Variants in EPHA5 observed in about 807,000 individuals in gnomAD.
The protein encoded by EPHA5 is EPH receptor A5.
Under a neutral mutation model 105.0 loss-of-function variants are expected in EPHA5, and 60 were observed. That is an observed-to-expected ratio of 0.57 (90% confidence interval 0.46 to 0.71). The LOEUF (loss-of-function observed/expected upper bound fraction) is 0.71, where lower values mean the gene tolerates loss of function less well. Among genes scored for constraint, EPHA5 ranks in the 30% least tolerant of loss-of-function variants. EPHA5 has a pLI of 0.00. For missense variants in EPHA5, 1,218 were observed against 1,274.7 expected, an observed-to-expected ratio of 0.96 and a Z score of 0.68; for synonymous variants, 513 against 449.1, an observed-to-expected ratio of 1.14 and a Z score of -1.80.
intron 8 of EPHA5, among the ~76,000 whole-genome samples, chr4:65,374,471 G>A (rs1161881980): frequency 6.6e-6 from 1 of 151,868 alleles, no homozygotes; most frequent in African/African-American, 2.4e-5. Flanking sequence ...GATGGATGTG[G>A]TTTCCTGGTG....
At position 65,572,134 on chromosome 4, in the gene EPHA5, G is replaced by A. The variant is rs1437666981; in HGVS notation, c.910+29507C>T. On this transcript the variant is annotated intron_variant, in intron 3 of 16. Coordinates refer to ENST00000613740, the MANE Select transcript of EPHA5 (RefSeq NM_001281766.3). ...AACTGAAAATATCTTCAGAAATAAC[G>A]TGGCATAATGAAGATTTTGGTGAAT... is the stretch of plus-strand genomic sequence containing the variant. 3.3e-5 allele frequency among the ~76,000 whole-genome samples: 5 copies of A among 151,692 alleles called. No individual in the cohort carries two copies. The South Asian group carries it at 6.2e-4, about 19-fold the overall frequency.
At chr4:65,360,638 T>C (rs1717204059) in intron 11 of EPHA5, among the ~76,000 whole-genome samples, 1 of 151,634 alleles carries the variant, frequency 6.6e-6, no homozygotes, top group South Asian at 2.1e-4. Flanking sequence ...CTTAATGCAA[T>C]GTTAATAATT....
chr4:65,553,100 A>G (rs1003454706), intron 3 of EPHA5, among the ~76,000 whole-genome samples: 3 of 152,116 alleles, frequency 2.0e-5, no homozygotes, highest in African/African-American at 7.2e-5. Flanking sequence ...ACATATTAAT[A>G]AAATTAATAC....
Position 65,610,915 on chromosome 4 carries a change from T to C in EPHA5, c.247-8611A>G, listed in dbSNP as rs115193147. Among the ~76,000 whole-genome samples the C allele has an allele frequency of 3.4e-3, 511 of 152,280 alleles. 5 individuals carry two copies. Among genetic ancestry groups the C allele is most frequent in the African/African-American group, 0.012 (486 of 41,566 alleles). Reference sequence around the variant, plus strand: ...GTGATGGTAGCCTCCCACTATGTATTTTTCATCATGCTATGCCAAGAGATG... The same window carrying C: ...GTGATGGTAGCCTCCCACTATGTATCTTTCATCATGCTATGCCAAGAGATG... On this transcript the variant is annotated intron_variant, in intron 2 of 16. Transcript: ENST00000613740.
intron 5 of EPHA5, among the ~76,000 whole-genome samples, chr4:65,446,081 A>G (rs1378343757): frequency 1.3e-5 from 2 of 152,178 alleles, no homozygotes; most frequent in Admixed American, 6.5e-5. Context: ...TGTAAAACAA[A>G]AGTTAGATCA....
intron 3 of EPHA5, among the ~76,000 whole-genome samples, chr4:65,508,842 TTG>T (rs949215461): frequency 3.9e-4 from 59 of 152,150 alleles, no homozygotes; most frequent in African/African-American, 1.2e-3. Flanking sequence ...CTATCCCTGA[TTG>T]TGAGAAAGTC....
At chr4:65,401,545 G>C (rs1344887743) in intron 8 of EPHA5, among the ~76,000 whole-genome samples, 1 of 152,050 alleles carries the variant, frequency 6.6e-6, no homozygotes, top group Non-Finnish European at 1.5e-5. Flanking sequence ...CAAAAAGTTG[G>C]TTTCTAAAAA....
chr4:65,414,479 G>T (rs200388884), intron 6 of EPHA5, 36 bp from the exon 7 acceptor site: 30 of 1,598,562 alleles, frequency 1.9e-5, no homozygotes, highest in Middle Eastern at 1.7e-4. Context: ...AAAAAAGACA[G>T]CATATAAATT....
chr4:65,658,631 T>C (rs1356514509), intron 1 of EPHA5, among the ~76,000 whole-genome samples: 2 of 152,106 alleles, frequency 1.3e-5, no homozygotes, highest in Non-Finnish European at 2.9e-5. Context: ...TAATTCAATC[T>C]TTTCAATTCT....
At chr4:65,362,041 G>T (rs1235682955) in intron 11 of EPHA5, among the ~76,000 whole-genome samples, 1 of 151,594 alleles carries the variant, frequency 6.6e-6, no homozygotes, top group East Asian at 1.9e-4. Context: ...TTTCAAATGA[G>T]TCAATTAAGC....
At chr4:65,329,785 C>A (rs1210143775) in intron 16 of EPHA5, among the ~76,000 whole-genome samples, 1 of 148,842 alleles carries the variant, frequency 6.7e-6, no homozygotes, top group African/African-American at 2.5e-5. Flanking sequence ...GTCTCCTTTG[C>A]CATTAGTCCT....
At chr4:65,441,555 G>A (rs572950895) in intron 5 of EPHA5, among the ~76,000 whole-genome samples, 1 of 152,046 alleles carries the variant, frequency 6.6e-6, no homozygotes, top group South Asian at 2.1e-4. Context: ...AAGGAAAAAA[G>A]GGAGAGAGGA....
At chr4:65,528,189 A>G (rs1735423544) in intron 3 of EPHA5, among the ~76,000 whole-genome samples, 1 of 152,072 alleles carries the variant, frequency 6.6e-6, no homozygotes, top group African/African-American at 2.4e-5. Context: ...GCAAAATATA[A>G]TTATAAAAGG....
intron 1 of EPHA5, among the ~76,000 whole-genome samples, chr4:65,662,172 G>A (rs76547228): frequency 0.036 from 5,399 of 151,938 alleles, 311 homozygotes; most frequent in African/African-American, 0.12. Flanking sequence ...AAATAAGAGT[G>A]TAAAATTAAT....
At chr4:65,465,856 A>C (rs913409242) in intron 5 of EPHA5, among the ~76,000 whole-genome samples, 1 of 152,238 alleles carries the variant, frequency 6.6e-6, no homozygotes, top group Non-Finnish European at 1.5e-5. Context: ...AATGTCATAC[A>C]TTCACTCGTT....
intron 14 of EPHA5, among the ~76,000 whole-genome samples, chr4:65,337,084 C>A (rs928788871): frequency 6.6e-6 from 1 of 150,836 alleles, no homozygotes; most frequent in Non-Finnish European, 1.5e-5. Flanking sequence ...ATTTTTTTTT[C>A]TTTTTCTGCT....
At chr4:65,484,838 C>CAAA (rs1392522337) in intron 5 of EPHA5, among the ~76,000 whole-genome samples, 11 of 151,526 alleles carry the variant, frequency 7.3e-5, no homozygotes, top group African/African-American at 2.7e-4. Context: ...AAAGAAATTT[C>CAAA]AGAGTAACTG....
At chr4:65,343,909 T>G (rs143760299) in intron 14 of EPHA5, among the ~76,000 whole-genome samples, 2 of 152,260 alleles carry the variant, frequency 1.3e-5, no homozygotes, top group East Asian at 3.9e-4. Flanking sequence ...TTCTAGTGTT[T>G]TTCTAAGTAA....
At chr4:65,368,937 A>G (rs957419435) in intron 8 of EPHA5, among the ~76,000 whole-genome samples, 6 of 151,972 alleles carry the variant, frequency 3.9e-5, no homozygotes, top group African/African-American at 1.5e-4. Context: ...TTCCTTCTTC[A>G]CGTTTTTCCC....
Sources: allele counts gnomAD v4.1 joint callset (sites outside exome capture counted in the v4.1 genomes callset), GRCh38; gene constraint gnomAD v4.1.1; transcripts MANE v1.5; gene names NCBI Gene and HGNC (gene_info 2026-07-23, HGNC 2026-07-21).